OPCML: variants seen among roughly 807,000 people sequenced by gnomAD.
OPCML encodes the protein opioid-binding protein/cell adhesion molecule.
A neutral mutation model predicts 37.8 loss-of-function variants in OPCML; 13 were observed. The observed-to-expected ratio is 0.34, with a 90% confidence interval of 0.22 to 0.55. OPCML has a LOEUF of 0.55. Among genes scored for constraint, OPCML ranks in the 20% least tolerant of loss-of-function variants. The pLI, the probability that OPCML is intolerant of heterozygous loss-of-function variation, is 0.91. For synonymous variants in OPCML, 176 were observed against 168.8 expected, an observed-to-expected ratio of 1.04 and a Z score of -0.33; for missense variants, 341 against 435.6, an observed-to-expected ratio of 0.78 and a Z score of 1.93.
At chr11:132,428,776 T>C (rs1043190429) in intron 7 of OPCML, among the ~76,000 whole-genome samples, 22 of 152,372 alleles carry the variant, frequency 1.4e-4, no homozygotes, top group African/African-American at 4.3e-4. Flanking sequence ...TAGGCTCTTC[T>C]TCTGTCCAAT....
chr11:132,700,774 G>A (rs565225724), intron 2 of OPCML, among the ~76,000 whole-genome samples: 84 of 152,246 alleles, frequency 5.5e-4, no homozygotes, highest in African/African-American at 2.0e-3. Context: ...TGGATGAAAT[G>A]TTCTGTATGT....
chr11:132,464,941 C>T (rs1007066029), intron 4 of OPCML, among the ~76,000 whole-genome samples: 23 of 152,146 alleles, frequency 1.5e-4, no homozygotes, highest in African/African-American at 5.6e-4. Context: ...CTTAATGTTA[C>T]AGTTTCTGTG....
chr11:133,048,508 G>A (rs1169354287), intron 1 of OPCML, among the ~76,000 whole-genome samples: 2 of 152,176 alleles, frequency 1.3e-5, no homozygotes, highest in Non-Finnish European at 2.9e-5. Flanking sequence ...AGCACCTACT[G>A]GATAAAGAGC....
intron 1 of OPCML, among the ~76,000 whole-genome samples, chr11:133,222,931 C>G (rs1361036862): frequency 6.6e-6 from 1 of 152,074 alleles, no homozygotes; most frequent in African/African-American, 2.4e-5. Flanking sequence ...CCCGATTAGC[C>G]CTCCCCAGGT....
intron 1 of OPCML, among the ~76,000 whole-genome samples, chr11:133,303,017 A>G (rs1467041952): frequency 6.6e-6 from 1 of 152,194 alleles, no homozygotes; most frequent in Admixed American, 6.5e-5. Context: ...TTCACGAACT[A>G]ATTGTGTTTG....
intron 2 of OPCML, among the ~76,000 whole-genome samples, chr11:132,854,725 T>C (rs1315898433): frequency 6.6e-6 from 1 of 152,254 alleles, no homozygotes; most frequent in African/African-American, 2.4e-5. Flanking sequence ...ATGCTTTCAC[T>C]AGTTGATAGA....
intron 1 of OPCML, among the ~76,000 whole-genome samples, chr11:133,403,032 C>T (rs1945442153): frequency 6.6e-6 from 1 of 152,188 alleles, no homozygotes; most frequent in South Asian, 2.1e-4. Flanking sequence ...GCTGGCTTGC[C>T]TTCTTTACCA....
chr11:133,004,559 C>T lies in OPCML; in HGVS notation c.62-61549G>A, dbSNP rs1947070610. On this transcript the variant is annotated intron_variant, in intron 1 of 7. Transcript: ENST00000524381. ...CACCTCTTGGCCGTCCTGACACTGC[C>T]TGCCAATGCCCATGCAGGCACTGCT... 3 of 985,356 alleles carry T rather than the reference C, an allele frequency of 3.0e-6. No individual in the cohort carries two copies. The South Asian group carries it at 1.4e-4, about 46-fold the overall frequency. The allele number at this position is 985,356 out of a possible 1,614,324, so 61.0% of individuals were successfully genotyped here.
chr11:132,681,783 G>A (rs143552629), intron 2 of OPCML, among the ~76,000 whole-genome samples: 2,607 of 152,010 alleles, frequency 0.017, 64 homozygotes, highest in African/African-American at 0.044. Flanking sequence ...GTGAAACCCC[G>A]TCTCTACTAA....
chr11:133,248,898 T>C (rs1186865959), intron 1 of OPCML, among the ~76,000 whole-genome samples: 1 of 152,138 alleles, frequency 6.6e-6, no homozygotes, highest in East Asian at 1.9e-4. Context: ...AAGGTGAATG[T>C]CTTTGGAATT....
At chr11:132,762,740 C>A (rs555975110) in intron 2 of OPCML, among the ~76,000 whole-genome samples, 1 of 152,142 alleles carries the variant, frequency 6.6e-6, no homozygotes, top group Non-Finnish European at 1.5e-5. Context: ...TGAATCATAG[C>A]TTTTTGGGCT....
intron 4 of OPCML, among the ~76,000 whole-genome samples, chr11:132,515,243 G>T (rs1052538393): frequency 2.6e-5 from 4 of 152,126 alleles, no homozygotes; most frequent in African/African-American, 9.7e-5. Flanking sequence ...ACCATTAAGG[G>T]ATTCTGGAGT....
intron 3 of OPCML, among the ~76,000 whole-genome samples, chr11:132,650,580 A>T (rs1319605320): frequency 1.3e-5 from 2 of 152,106 alleles, no homozygotes; most frequent in Non-Finnish European, 2.9e-5. Flanking sequence ...TGACATACAC[A>T]CACACACACA....
At chr11:133,392,501 G>A (rs1249798692) in intron 1 of OPCML, among the ~76,000 whole-genome samples, 3 of 152,236 alleles carry the variant, frequency 2.0e-5, no homozygotes, top group Non-Finnish European at 4.4e-5. Flanking sequence ...GCTGGATCCT[G>A]TCGGAGGTGA....
intron 1 of OPCML, among the ~76,000 whole-genome samples, chr11:133,366,689 T>C (rs993984070): frequency 6.6e-6 from 1 of 152,216 alleles, no homozygotes; most frequent in Non-Finnish European, 1.5e-5. Flanking sequence ...TTCTTAGCAT[T>C]AGCAGCAACA....
intron 1 of OPCML, among the ~76,000 whole-genome samples, chr11:133,488,076 T>G (rs1399293412): frequency 6.6e-6 from 1 of 152,110 alleles, no homozygotes; most frequent in Non-Finnish European, 1.5e-5. Context: ...CCATTCATGA[T>G]AAACATCCTC....
intron 1 of OPCML, among the ~76,000 whole-genome samples, chr11:133,448,600 G>A (rs1946517997): frequency 6.6e-6 from 1 of 152,142 alleles, no homozygotes; most frequent in Non-Finnish European, 1.5e-5. Context: ...TGGGGTTACA[G>A]GTGCCTGCCA....
At chr11:133,480,837 T>C (rs1028708302) in intron 1 of OPCML, among the ~76,000 whole-genome samples, 4 of 152,252 alleles carry the variant, frequency 2.6e-5, no homozygotes, top group Admixed American at 2.6e-4. Context: ...ACCATAGAGC[T>C]TTGCCTGTAG....
rs1939083663 is a variant in OPCML at position 133,206,845 on chromosome 11, C to G, written c.62-263835G>C. On this transcript the variant is annotated intron_variant, in intron 1 of 7. Transcript: ENST00000524381. The surrounding 1 kb of genome is among the most constrained non-coding windows in gnomAD (Gnocchi z 4.7). ...CCTCCACACTCTCACGATGTCCACA[C>G]AGCTACGGTGACCTATTCATGTCTT... is the stretch of plus-strand genomic sequence containing the variant. Among the ~76,000 whole-genome samples, 1 of 152,198 alleles carries G rather than the reference C, an allele frequency of 6.6e-6. No individual in the cohort carries two copies.
Sources: allele counts gnomAD v4.1 joint callset (sites outside exome capture counted in the v4.1 genomes callset), GRCh38; gene constraint gnomAD v4.1.1; non-coding constraint Gnocchi (gnomAD v3.1); transcripts MANE v1.5; gene names NCBI Gene and HGNC (gene_info 2026-07-23, HGNC 2026-07-21).